ZNF568: variants seen among roughly 807,000 people sequenced by gnomAD.
The protein encoded by ZNF568 is zinc finger protein 568.
A neutral mutation model predicts 18.1 loss-of-function variants in ZNF568; 11 were observed. The observed-to-expected ratio is 0.61, with a 90% CI of 0.38 to 1.00. The LOEUF (loss-of-function observed/expected upper bound fraction) is 1.00. Among genes scored for constraint, ZNF568 ranks in the 50% least tolerant of loss-of-function variants. The pLI is 0.01. For synonymous variants in ZNF568, 213 were observed against 246.6 expected (o/e 0.86, Z 1.28); for missense variants, 639 against 768.2 (o/e 0.83, Z 1.99).
chr19:36,957,265 T>C (rs1455847826), downstream of ZNF568, among the ~76,000 whole-genome samples: 1 of 136,262 alleles, frequency 7.3e-6, no homozygotes, highest in Non-Finnish European at 1.5e-5. Context: ...GGAGTCCTGC[T>C]CTGTCGCCCA....
rs564612595 is a variant in ZNF568, at chr19:36,936,734, A to G, written c.136-12A>G. The G allele has an allele frequency of 6.8e-6, 11 of 1,609,526 alleles. No individual in the cohort carries two copies. The highest frequency in any genetic ancestry group is 4.5e-5 in the East Asian group (2 of 44,788). On this transcript the variant is annotated splice_polypyrimidine_tract_variant and intron_variant, in intron 4 of 6. Coordinates refer to ENST00000333987, the MANE Select transcript of ZNF568 (RefSeq NM_198539.4). ...TGATGACTTCAAATTAATTAGCATT[A>G]TGTTTTTACAGGAAACAGTGACATT...
chr19:36,939,280 A>C lies in ZNF568; in HGVS notation c.358+2038A>C, dbSNP rs1298303182. ...TGCCTTTGTACCATTTGTCAGGGCCAGATGAAGTCCATTCTGTACCTGCCA... is the reference window on the plus strand; with the variant it reads ...TGCCTTTGTACCATTTGTCAGGGCCCGATGAAGTCCATTCTGTACCTGCCA... On this transcript the variant is annotated intron_variant, in intron 6 of 6. Coordinates refer to ENST00000333987, the MANE Select transcript of ZNF568 (RefSeq NM_198539.4). 2.6e-5 allele frequency among the ~76,000 whole-genome samples: 4 copies of C among 152,182 alleles called. No individual in the cohort carries two copies. In the East Asian group the frequency reaches 7.7e-4, roughly 29 times the overall value.
At chr19:36,994,700 C>T (rs2146352297) in intron 4 of ZNF568, among the ~76,000 whole-genome samples, 1 of 152,136 alleles carries the variant, frequency 6.6e-6, no homozygotes, top group East Asian at 1.9e-4. Context: ...GAGATGGAGT[C>T]TAGTGTTGTT....
intron 4 of ZNF568, among the ~76,000 whole-genome samples, chr19:36,930,371 G>A (rs894827117): frequency 6.6e-6 from 1 of 151,866 alleles, no homozygotes; most frequent in African/African-American, 2.4e-5. Context: ...CACCACACCC[G>A]GCTAATTTTT....
rs56000710 is a variant in ZNF568, at chr19:36,987,822, C to CTGTGTGTGTGTGTG, written c.10-3338_10-3325dup. On this transcript the variant is annotated intron_variant, in intron 2 of 4. Coordinates refer to the ZNF568 transcript ENST00000433993. ...CTCAGAGAGAAAGAAAACACAGACT[C>CTGTGTGTGTGTGTG]TGTGTGTGTGTGTGTGTGTGTGTGT... Among the ~76,000 whole-genome samples the CTGTGTGTGTGTGTG allele has an allele frequency of 7.4e-3, 1,085 of 146,404 alleles. 18 individuals carry two copies. The highest frequency in any genetic ancestry group is 0.027 in the Admixed American group (396 of 14,790).
At chr19:36,927,904 T>TATA (rs1491155298) in intron 4 of ZNF568, among the ~76,000 whole-genome samples, 8 of 26,718 alleles carry the variant, frequency 3.0e-4, no homozygotes, top group African/African-American at 9.0e-4. Flanking sequence ...TATATATATA[T>TATA]TTTTTTTTTT....
At position 36,950,178 on chromosome 19, in the gene ZNF568, C is replaced by T; in HGVS notation, c.1025C>T (p.Ser342Phe). 1.2e-6 allele frequency: 2 copies of T among 1,613,676 alleles called. No homozygotes were observed. Among genetic ancestry groups the T allele is most frequent in the Non-Finnish European group, 1.7e-6 (2 of 1,179,718 alleles). The change falls in exon 7 of 7, where the codon TCC (serine) becomes TTC (phenylalanine). Residue 342 changes from serine to phenylalanine, a missense_variant. By Grantham distance (155) the Ser-to-Phe change is radical (BLOSUM62 -2). Transcript: ENST00000333987. ...KPYECKECGK[S>F]FSQKQNLIEH... ...TATGAATGTAAGGAATGTGGGAAATCCTTCAGCCAGAAGCAAAATCTTATT... is the reference window on the plus strand; with the variant it reads ...TATGAATGTAAGGAATGTGGGAAATTCTTCAGCCAGAAGCAAAATCTTATT...
At position 36,922,750 on chromosome 19, in the gene ZNF568, C is replaced by T. The variant is rs1270893569; in HGVS notation, c.-21C>T. 3 of 1,611,096 alleles carry T rather than the reference C, an allele frequency of 1.9e-6. No individual in the cohort carries two copies. The highest frequency in any genetic ancestry group is 1.1e-5 in the South Asian group (1 of 90,882). ...GCTGGAGCTTGTCTTGACCCTTCTGCCCAGAGCAGGCAGGGTCTGAATGAC... is the reference window on the plus strand; with the variant it reads ...GCTGGAGCTTGTCTTGACCCTTCTGTCCAGAGCAGGCAGGGTCTGAATGAC... On this transcript the variant is annotated 5_prime_UTR_variant, in exon 3 of 7. Coordinates refer to ENST00000333987, the MANE Select transcript of ZNF568 (RefSeq NM_198539.4).
chr19:36,997,878 G>A (rs2074493717), downstream of ZNF568: 1 of 355,864 alleles, frequency 2.8e-6, no homozygotes, highest in South Asian at 3.6e-5. Context: ...TGATACAACT[G>A]GTGAAAAATT....
rs139390757 is a variant in ZNF568 at position 36,951,066 on chromosome 19, G to T, written c.1913G>T (p.Gly638Val). 104 of 1,555,694 alleles carry T rather than the reference G, an allele frequency of 6.7e-5. No individual in the cohort carries two copies. The African/African-American group carries it at 1.1e-3, about 17-fold the overall frequency. The change falls in exon 7 of 7, where the codon GGT (glycine) becomes GTT (valine). Residue 638 changes from glycine (G) to valine (V), a missense_variant. By Grantham distance (109) the Gly-to-Val change is moderately radical (BLOSUM62 -3). Coordinates refer to ENST00000333987, the MANE Select transcript of ZNF568 (RefSeq NM_198539.4). Reference sequence around the variant, plus strand: ...TCTATACATAAGAGAGGTCATACAGGTGAGAGACACCAAGTATATTAAATG... The same window carrying T: ...TCTATACATAAGAGAGGTCATACAGTTGAGAGACACCAAGTATATTAAATG... ...SLSIHKRGHT[G>V]ERHQVY is the part of the protein sequence containing the mutation.
intron 2 of ZNF568, among the ~76,000 whole-genome samples, chr19:36,985,541 A>G (rs1644671): frequency 0.53 from 80,802 of 151,660 alleles, 22,011 homozygotes; most frequent in African/African-American, 0.62. Context: ...TTTTGTTTTT[A>G]AGACACAGTC....
intron 6 of ZNF568, among the ~76,000 whole-genome samples, chr19:36,947,541 T>C (rs1292326186): frequency 6.6e-6 from 1 of 152,210 alleles, no homozygotes; most frequent in Non-Finnish European, 1.5e-5. Flanking sequence ...CTTTACGGGA[T>C]GGAAAAGCAT....
intron 7 of ZNF568, chr19:36,976,197 G>C (rs1421886547): frequency 6.6e-6 from 1 of 152,036 alleles, no homozygotes; most frequent in African/African-American, 2.4e-5. Context: ...AATGTTTTCA[G>C]ATTATTTTGT....
intron 7 of ZNF568, among the ~76,000 whole-genome samples, chr19:36,977,379 G>T (rs1430745793): frequency 6.7e-6 from 1 of 150,340 alleles, no homozygotes; most frequent in Non-Finnish European, 1.5e-5. Flanking sequence ...GAGTGGCATG[G>T]TATTTGTAGG....
intron 6 of ZNF568, among the ~76,000 whole-genome samples, chr19:36,948,681 T>TTTTTTTTG (rs2074007341): frequency 8.0e-6 from 1 of 124,836 alleles, no homozygotes; most frequent in Admixed American, 8.4e-5. Flanking sequence ...TTTTTTTTTT[T>TTTTTTTTG]TTCAGATTTC....
At chr19:36,937,571 G>T (rs1409486225) in intron 6 of ZNF568, among the ~76,000 whole-genome samples, 1 of 151,944 alleles carries the variant, frequency 6.6e-6, no homozygotes, top group Non-Finnish European at 1.5e-5. Context: ...TATGTTTATG[G>T]TTTCATTTTC....
intron 1 of ZNF568, among the ~76,000 whole-genome samples, chr19:36,917,032 G>T (rs1025271475): frequency 1.3e-5 from 2 of 152,068 alleles, no homozygotes; most frequent in African/African-American, 4.8e-5. Context: ...CTGCTTTTAT[G>T]TATGTTAGTT....
chr19:36,986,569 T>G (rs1385222758), intron 2 of ZNF568, among the ~76,000 whole-genome samples: 2 of 152,148 alleles, frequency 1.3e-5, no homozygotes, highest in Non-Finnish European at 2.9e-5. Context: ...AGCTGGTGAT[T>G]TGGTTGTAGT....
intron 6 of ZNF568, among the ~76,000 whole-genome samples, chr19:36,961,922 C>G (rs1448226088): frequency 6.8e-6 from 1 of 147,164 alleles, no homozygotes; most frequent in African/African-American, 2.5e-5. Flanking sequence ...AGCAGTCCTC[C>G]CACCTGAGCC....
Sources: allele counts gnomAD v4.1 joint callset (sites outside exome capture counted in the v4.1 genomes callset), GRCh38; gene constraint gnomAD v4.1.1; transcripts MANE v1.5; gene names NCBI Gene and HGNC (gene_info 2026-07-23, HGNC 2026-07-21).